The following ABCC6 variants were observed in gnomAD, a reference collection of about 807,000 sequenced individuals.
The protein encoded by ABCC6 is ATP-binding cassette sub-family C member 6.
A neutral mutation model predicts 169.5 loss-of-function variants in ABCC6; 126 were observed. The ratio of observed to expected loss-of-function variants is 0.74; its 90% CI spans 0.64 to 0.86. The LOEUF is 0.86. ABCC6 is among the 40% of genes least tolerant of loss of function. ABCC6 has a pLI of 0.00. For synonymous variants in ABCC6, 752 were observed against 814.7 expected (o/e 0.92, Z 1.31); for missense variants, 1,733 against 1,927.2 (o/e 0.90, Z 1.89).
intron 4 of ABCC6, among the ~76,000 whole-genome samples, chr16:16,215,527 G>T (rs2048836886): frequency 6.8e-6 from 1 of 148,092 alleles, no homozygotes; most frequent in Admixed American, 6.8e-5. Context: ...AGGCTGATGT[G>T]CAGTGGCATG....
At chr16:16,174,486 G>A (rs1245732063) in intron 20 of ABCC6, among the ~76,000 whole-genome samples, 1 of 152,168 alleles carries the variant, frequency 6.6e-6, no homozygotes, top group Non-Finnish European at 1.5e-5. Context: ...GCCAGGTGCA[G>A]TGGCTCACGC....
In ABCC6 at chr16:16,150,621, G is replaced by A; in HGVS notation, c.4360C>T (p.Leu1454=). 1 of 1,613,476 alleles carries A rather than the reference G, an allele frequency of 6.2e-7. No individual in the cohort carries two copies. Among genetic ancestry groups the A allele is most frequent in the Non-Finnish European group, 8.5e-7 (1 of 1,179,888 alleles). ...LGSWFAQCTV[L]LIAHRLRSVM... Reference sequence around the variant, plus strand: ...GAGCGCAGGCGGTGGGCAATGAGCAGCACAGTGCACTGTGCAAACCAGCTC... The same window carrying A: ...GAGCGCAGGCGGTGGGCAATGAGCAACACAGTGCACTGTGCAAACCAGCTC... The change falls in exon 30 of 31, where the codon CTG becomes TTG. Residue 1454 remains leucine (L), a synonymous_variant. Coordinates refer to ENST00000205557, the MANE Select transcript of ABCC6 (RefSeq NM_001171.6).
Position 16,179,032 on chromosome 16 carries a change from G to A in ABCC6, c.2248-67C>T, listed in dbSNP as rs539090632. 1.1e-5 allele frequency: 17 copies of A among 1,560,112 alleles called. 1 individual carries two copies. Among genetic ancestry groups the A allele is most frequent in the Middle Eastern group, 4.6e-4 (2 of 4,394 alleles). On this transcript the variant is annotated intron_variant, in intron 17 of 30. Transcript: ENST00000205557. ...AGGGTGAAACTGGGGTGCCCAGGCTGTGGCAGGTCAGGGCACACCTGCCCA... is the reference window on the plus strand; with the variant it reads ...AGGGTGAAACTGGGGTGCCCAGGCTATGGCAGGTCAGGGCACACCTGCCCA...
intron 21 of ABCC6, 34 bp from the exon 22 acceptor site, chr16:16,169,887 G>C (rs2047004269): frequency 6.5e-7 from 1 of 1,546,960 alleles, no homozygotes; most frequent in Non-Finnish European, 8.7e-7. Context: ...GAGGCAGAGA[G>C]AGCCCCCAGT....
intron 25 of ABCC6, among the ~76,000 whole-genome samples, chr16:16,160,669 G>T (rs887476244): frequency 2.8e-5 from 4 of 145,146 alleles, no homozygotes; most frequent in Non-Finnish European, 6.0e-5. Flanking sequence ...AGCCAGGCAT[G>T]GTGGTGCATG....
chr16:16,197,343 A>G (rs1487864638), intron 10 of ABCC6, among the ~76,000 whole-genome samples: 3 of 152,108 alleles, frequency 2.0e-5, no homozygotes, highest in Admixed American at 1.3e-4. Flanking sequence ...AGTGAAGGTC[A>G]TCCTTATTGA....
At chr16:16,166,141 C>G (rs961610890) in intron 22 of ABCC6, among the ~76,000 whole-genome samples, 1 of 152,176 alleles carries the variant, frequency 6.6e-6, no homozygotes, top group Non-Finnish European at 1.5e-5. Context: ...GCCTTGACCT[C>G]CTGCACTCAA....
intron 20 of ABCC6, among the ~76,000 whole-genome samples, chr16:16,174,165 A>T (rs565549119): frequency 1.3e-5 from 2 of 152,304 alleles, no homozygotes; most frequent in South Asian, 4.1e-4. Flanking sequence ...GTTTGGCCTA[A>T]AGGTTTTCCC....
Position 16,161,601 on chromosome 16 carries a change from C to T in ABCC6, c.3507-37G>A, listed in dbSNP as rs759568069. The T allele has an allele frequency of 4.3e-6, 7 of 1,613,432 alleles. No homozygotes were observed. The African/African-American group carries it at 9.3e-5, about 22-fold the overall frequency. On this transcript the variant is annotated intron_variant, in intron 24 of 30. Coordinates refer to ENST00000205557, the MANE Select transcript of ABCC6 (RefSeq NM_001171.6). The stretch of plus-strand genomic sequence containing the variant: ...AGCGACAGCAGGGTGAGTGGTTACT[C>T]TCATCTGCAGGGAGATGCTTCTCTG...
At chr16:16,191,363 G>T (rs1437183169) in intron 11 of ABCC6, among the ~76,000 whole-genome samples, 1 of 152,018 alleles carries the variant, frequency 6.6e-6, no homozygotes, top group South Asian at 2.1e-4. Flanking sequence ...TGATCTGCCT[G>T]CCTCGGCCTC....
intron 4 of ABCC6, among the ~76,000 whole-genome samples, chr16:16,215,283 CT>C (rs1015904745): frequency 6.6e-6 from 1 of 152,128 alleles, no homozygotes; most frequent in African/African-American, 2.4e-5. Flanking sequence ...GTGACAGCAC[CT>C]TGTTCAAGGA....
chr16:16,183,002 A>G, intron 15 of ABCC6, 72 bp from the exon 16 acceptor site: 1 of 1,612,542 alleles, frequency 6.2e-7, no homozygotes, highest in Non-Finnish European at 8.5e-7. Context: ...GATGAGCCCC[A>G]GACGGAGCTG....
At chr16:16,173,647 C>T (rs1057152832) in intron 20 of ABCC6, among the ~76,000 whole-genome samples, 1 of 151,998 alleles carries the variant, frequency 6.6e-6, no homozygotes, top group African/African-American at 2.4e-5. Flanking sequence ...TGCCAATTCA[C>T]AGGATGAACT....
intron 21 of ABCC6, chr16:16,173,046 T>G: frequency 1.6e-6 from 1 of 606,316 alleles, no homozygotes; most frequent in South Asian, 2.0e-5. Context: ...TTTCTCAAAA[T>G]CAAAATAAAA....
At chr16:16,187,266 T>G (rs1010842567) in intron 13 of ABCC6, 55 bp from the exon 14 acceptor site, 23 of 1,479,384 alleles carry the variant, frequency 1.6e-5, no homozygotes, top group African/African-American at 2.8e-5. Flanking sequence ...AACTCAGGTT[T>G]TGGGTGTCGG....
intron 14 of ABCC6, 62 bp from the exon 15 acceptor site, chr16:16,185,096 A>AGG (rs2152263804): frequency 6.8e-7 from 1 of 1,469,030 alleles, no homozygotes; most frequent in Admixed American, 1.8e-5. Context: ...TGCATCGGAG[A>AGG]GGCCCCCAGG....
intron 29 of ABCC6, among the ~76,000 whole-genome samples, chr16:16,152,365 A>G (rs1032489175): frequency 6.6e-6 from 1 of 151,930 alleles, no homozygotes; most frequent in Non-Finnish European, 1.5e-5. Context: ...TGTCTTGCAC[A>G]GTAAGCCCTT....
chr16:16,191,240 C>T lies in ABCC6; in HGVS notation c.1432-873G>A, dbSNP rs866371372. ...AAGCGATTCTCCTGCCTGAGCTTCC[C>T]GAGTAGCTGGGATTACAGGCGCCCG... On this transcript the variant is annotated intron_variant, in intron 11 of 30. Coordinates refer to ENST00000205557, the MANE Select transcript of ABCC6 (RefSeq NM_001171.6). 2.5e-3 allele frequency among the ~76,000 whole-genome samples: 375 copies of T among 152,104 alleles called. 1 individual carries two copies. The highest frequency in any genetic ancestry group is 8.4e-3 in the African/African-American group (348 of 41,484).
rs72664235 is a variant in ABCC6 at position 16,157,662 on chromosome 16, CCTT to C, written c.3880_3882del (p.Lys1294del). ...GAAGACATTGTGAGAGAACCACTCA[CCTT>C]CTCTCCTGCGTGGATCTTGAAGGAC... On this transcript the variant is annotated inframe_deletion and splice_region_variant, in exon 27 of 31. Transcript: ENST00000205557. 5.0e-6 allele frequency: 8 copies of C among 1,614,146 alleles called. No homozygotes were observed. The highest frequency in any genetic ancestry group is 6.8e-6 in the Non-Finnish European group (8 of 1,180,022).
Sources: gnomAD v4.1 joint callset for allele counts (sites outside exome capture counted in the v4.1 genomes callset) on GRCh38, gnomAD v4.1.1 for gene constraint, MANE v1.5 for transcripts, NCBI Gene and HGNC (gene_info 2026-07-23, HGNC 2026-07-21) for gene names.